Variants in TPP1 observed in about 807,000 individuals in gnomAD.
TPP1 encodes the protein tripeptidyl peptidase 1.
In TPP1, 43 loss-of-function variants were observed where a neutral mutation model predicts 67.6. The ratio of observed to expected loss-of-function variants is 0.64; its 90% CI spans 0.50 to 0.82. The LOEUF (loss-of-function observed/expected upper bound fraction) is 0.82. Among genes scored for constraint, TPP1 ranks in the 40% least tolerant of loss-of-function variants. The probability of loss-of-function intolerance (pLI) is 0.00; values close to 1 mark genes in which losing one functional copy is unlikely to be tolerated. For synonymous variants in TPP1, 272 were observed against 281.5 expected (o/e 0.97, Z 0.34); for missense variants, 671 against 710.9 (o/e 0.94, Z 0.64).
chr11:6,617,287 C>T lies in TPP1; in HGVS notation c.508+14G>A. The T allele has an allele frequency of 1.2e-6, 2 of 1,614,084 alleles. No homozygotes were observed. Among genetic ancestry groups the T allele is most frequent in the Non-Finnish European group, 1.7e-6 (2 of 1,180,004 alleles). ...TCTGTGTGCCCCAACCCCCATTCAC[C>T]CCATAGGTGTTACCAAAGTCCACAT... On this transcript the variant is annotated intron_variant, in intron 5 of 12. Transcript: ENST00000299427.
At chr11:6,618,298 T>G (rs1353315971) in intron 3 of TPP1, 2 of 328,644 alleles carry the variant, frequency 6.1e-6, no homozygotes, top group Non-Finnish European at 1.2e-5. Context: ...AAGGAACCAA[T>G]CCATTTTGAC....
Position 6,614,205 on chromosome 11 carries a change from G to A in TPP1, c.*341C>T, listed in dbSNP as rs142480159. 5.5e-6 allele frequency: 2 copies of A among 361,228 alleles called. No homozygotes were observed. Among genetic ancestry groups the A allele is most frequent in the Non-Finnish European group, 1.1e-5 (2 of 189,238 alleles). The allele number at this position is 361,228 out of a possible 1,614,324, so 22.4% of individuals were successfully genotyped here. On this transcript the variant is annotated 3_prime_UTR_variant, in exon 13 of 13. Transcript: ENST00000299427. ...AGAGGTCTCCTTGCAGTGAATTGGGGAATGAATATCAAGTGAAATAGTGCA... is the reference window on the plus strand; with the variant it reads ...AGAGGTCTCCTTGCAGTGAATTGGGAAATGAATATCAAGTGAAATAGTGCA...
In TPP1 at chr11:6,615,538, GCCT is replaced by G; in HGVS notation, c.1167_1169del (p.Gly390del). 1 of 1,614,180 alleles carries G rather than the reference GCCT, an allele frequency of 6.2e-7. No individual in the cohort carries two copies. The highest frequency in any genetic ancestry group is 8.5e-7 in the Non-Finnish European group (1 of 1,180,040). ...TGAGGAAAGGTTCCTGGAAGGATGT[GCCT>G]CCCACTGTGGTGACATAGGGGCTGA... On this transcript the variant is annotated inframe_deletion, in exon 10 of 13. Coordinates refer to ENST00000299427, the MANE Select transcript of TPP1 (RefSeq NM_000391.4).
At position 6,616,459 on chromosome 11, in the gene TPP1, G is replaced by T; in HGVS notation, c.931C>A (p.Leu311Ile). The T allele has an allele frequency of 6.2e-7, 1 of 1,612,154 alleles. No individual in the cohort carries two copies. Among genetic ancestry groups the T allele is most frequent in the Non-Finnish European group, 8.5e-7 (1 of 1,179,904 alleles). Reference protein sequence around the residue: ...QEPFLQWLMLLSNESALPHVH... With the variant: ...QEPFLQWLMLISNESALPHVH... Reference sequence around the variant, plus strand: ...TGTGGCAGGGCTGACTCATTACTGAGCAGCATGAGCCACTGCAGGAAGGGC... The same window carrying T: ...TGTGGCAGGGCTGACTCATTACTGATCAGCATGAGCCACTGCAGGAAGGGC... The change falls in exon 8 of 13, where the codon CTC (leucine) becomes ATC (isoleucine). Residue 311 changes from leucine (L) to isoleucine (I), a missense_variant. By Grantham distance (5) the Leu-to-Ile change is conservative. Transcript: ENST00000299427.
rs996253757 is a variant in TPP1, at chr11:6,617,482, C to T, written c.381-54G>A. Reference sequence around the variant, plus strand: ...GCTCAAAACGGAACAGAAGAAGCTACCTCTGAGCATCCCTGGGCAGTCAGT... The same window carrying T: ...GCTCAAAACGGAACAGAAGAAGCTATCTCTGAGCATCCCTGGGCAGTCAGT... On this transcript the variant is annotated intron_variant, in intron 4 of 12. Coordinates refer to ENST00000299427, the MANE Select transcript of TPP1 (RefSeq NM_000391.4). 8.7e-6 allele frequency: 14 copies of T among 1,613,744 alleles called. No individual in the cohort carries two copies. In the African/African-American group the frequency reaches 1.5e-4, roughly 17 times the overall value.
chr11:6,618,698 T>A, intron 3 of TPP1, 78 bp downstream of exon 3: 1 of 1,593,852 alleles, frequency 6.3e-7, no homozygotes, highest in Non-Finnish European at 8.5e-7. Context: ...GGCTCTGACA[T>A]GATCGCCATC....
intron 9 of TPP1, 85 bp from the exon 10 acceptor site, chr11:6,615,647 C>A: frequency 6.4e-7 from 1 of 1,552,404 alleles, no homozygotes; most frequent in South Asian, 1.1e-5. Flanking sequence ...TAGCCCAGGT[C>A]TTGCTGGAGG....
In TPP1 at chr11:6,613,142, T is replaced by C. The variant is rs1004451081; in HGVS notation, c.*1404A>G. The C allele has an allele frequency of 1.3e-5, 2 of 152,148 alleles. No individual in the cohort carries two copies. The highest frequency in any genetic ancestry group is 2.9e-5 in the Non-Finnish European group (2 of 68,022). 9.4% of individuals were successfully genotyped at this position (152,148 alleles called of 1,614,324 possible). ...GACCCAGTCTCTCTCCTAGTCCATA[T>C]CAGAACCAAGATTCAAACAGGTTTT... On this transcript the variant is annotated 3_prime_UTR_variant, in exon 13 of 13. Coordinates refer to ENST00000299427, the MANE Select transcript of TPP1 (RefSeq NM_000391.4).
rs747731043 is a variant in TPP1 at position 6,616,869 on chromosome 11, G to A, written c.688-10C>T. ...AATACTGCTCCAGGAACTATGGAGG[G>A]AGTCAGAGCAGAGATCGTGGGTCCG... On this transcript the variant is annotated splice_polypyrimidine_tract_variant and intron_variant, in intron 6 of 12. Transcript: ENST00000299427. 4 of 1,614,040 alleles carry A rather than the reference G, an allele frequency of 2.5e-6. No individual in the cohort carries two copies. Among genetic ancestry groups the A allele is most frequent in the Non-Finnish European group, 3.4e-6 (4 of 1,180,026 alleles).
Position 6,618,887 on chromosome 11 carries a change from G to A in TPP1, c.118C>T (p.Arg40Cys), listed in dbSNP as rs794727482. Residue 40 changes from arginine to cysteine, a missense_variant, in exon 3 of 13, where the codon CGT becomes TGT. By Grantham distance (180) the Arg-to-Cys change is radical. Transcript: ENST00000299427. Reference sequence around the variant, plus strand: ...CTCAGCTCTTCCTCAGGGTCCGCACGGCCCAGGGACACCCAGCCTGGGGGC... The same window carrying A: ...CTCAGCTCTTCCTCAGGGTCCGCACAGCCCAGGGACACCCAGCCTGGGGGC... ...TLPPGWVSLG[R>C]ADPEEELSLT... is the part of the protein sequence containing the mutation. 1.6e-5 allele frequency: 26 copies of A among 1,613,668 alleles called. No homozygotes were observed. Among genetic ancestry groups the A allele is most frequent in the East Asian group, 6.7e-5 (3 of 44,892 alleles).
chr11:6,615,851 G>GCAGGAAGGTCC (rs1210169558), intron 9 of TPP1, 154 bp downstream of exon 9: 1 of 900,630 alleles, frequency 1.1e-6, no homozygotes. Context: ...CCTGGGACCT[G>GCAGGAAGGTCC]CAGGAAGAAG....
At position 6,616,644 on chromosome 11, in the gene TPP1, A is replaced by T; in HGVS notation, c.886+17T>A. 6.2e-7 allele frequency: 1 copy of T among 1,613,404 alleles called. No homozygotes were observed. Among genetic ancestry groups the T allele is most frequent in the South Asian group, 1.1e-5 (1 of 91,066 alleles). On this transcript the variant is annotated intron_variant, in intron 7 of 12. Transcript: ENST00000299427. ...TCTCCCACCCCCTTCCCCACTGTCC[A>T]GTCCTCTTGGTAGTACCAGGGCTAC...
In TPP1 at chr11:6,617,154, C is replaced by T. The variant is rs56144125; in HGVS notation, c.509-1G>A. ...GGGGGAAAACGGTGCAGTCCCCCCA[C>T]TGTAGGGAGAAGTCAGGCTTGAGGA... On this transcript the variant is annotated splice_acceptor_variant, in intron 5 of 12. Transcript: ENST00000299427. LOFTEE classifies it high-confidence loss of function. The T allele has an allele frequency of 2.7e-5, 43 of 1,614,098 alleles. No individual in the cohort carries two copies. The highest frequency in any genetic ancestry group is 3.6e-5 in the Non-Finnish European group (43 of 1,180,002).
intron 11 of TPP1, 27 bp from the exon 12 acceptor site, chr11:6,615,018 G>A (rs1175923875): frequency 6.2e-7 from 1 of 1,614,008 alleles, no homozygotes; most frequent in African/African-American, 1.3e-5. Flanking sequence ...GCAAGTAGAG[G>A]TCAGGGGTTC....
Position 6,614,923 on chromosome 11 carries a change from G to A in TPP1, c.1494C>T (p.Pro498=), listed in dbSNP as rs117942457. The A allele has an allele frequency of 0.012, 18,602 of 1,614,108 alleles. 138 individuals are homozygous for A. Among genetic ancestry groups the A allele is most frequent in the Non-Finnish European group, 0.014 (16,392 of 1,180,028 alleles). ...GCCTTGGGTTGAGAAAGCCAAGAGGGGGGCGGCCACTAAGGATCCTGTGCT... is the reference window on the plus strand; with the variant it reads ...GCCTTGGGTTGAGAAAGCCAAGAGGAGGGCGGCCACTAAGGATCCTGTGCT... The part of the protein sequence containing the change: ...INEHRILSGR[P]PLGFLNPRLY... Residue 498 remains proline, a synonymous_variant, in exon 12 of 13, where the codon CCC becomes CCT. Coordinates refer to ENST00000299427, the MANE Select transcript of TPP1 (RefSeq NM_000391.4).
intron 9 of TPP1, 126 bp from the exon 10 acceptor site, chr11:6,615,688 G>C: frequency 7.8e-7 from 1 of 1,275,706 alleles, no homozygotes; most frequent in African/African-American, 1.5e-5. Flanking sequence ...CATGTATATG[G>C]GATTGACTAA....
chr11:6,619,118 T>A, intron 2 of TPP1, 78 bp downstream of exon 2: 1 of 1,565,222 alleles, frequency 6.4e-7, no homozygotes, highest in Non-Finnish European at 8.7e-7. Flanking sequence ...GGCACGGGGG[T>A]GAGAGAAGCT....
At position 6,614,445 on chromosome 11, in the gene TPP1, C is replaced by T. The variant is rs1350676297; in HGVS notation, c.*101G>A. 6.5e-7 allele frequency: 1 copy of T among 1,530,168 alleles called. No homozygotes were observed. The highest frequency in any genetic ancestry group is 2.3e-5 in the East Asian group (1 of 44,214). The allele number at this position is 1,530,168 out of a possible 1,614,324, so 94.8% of individuals were successfully genotyped here. On this transcript the variant is annotated 3_prime_UTR_variant, in exon 13 of 13. Coordinates refer to ENST00000299427, the MANE Select transcript of TPP1 (RefSeq NM_000391.4). ...AGGGAGATAAGCTGTCTGCAGCAGT[C>T]AATAGTTGAGGGTTCAGCAGGGCTT... is the stretch of plus-strand genomic sequence containing the variant.
At position 6,619,300 on chromosome 11, in the gene TPP1, C is replaced by G. The variant is rs775958937; in HGVS notation, c.18-33G>C. 1.9e-6 allele frequency: 3 copies of G among 1,614,036 alleles called. No homozygotes were observed. The African/African-American group carries it at 4.0e-5, about 22-fold the overall frequency. On this transcript the variant is annotated intron_variant, in intron 1 of 12. Transcript: ENST00000299427. ...GGCAGCAGGTGGGTTTCAGTGGGAG[C>G]TACGTTGTCCTTGTGTTCCCACCCT...
Sources: allele counts gnomAD v4.1 joint callset, GRCh38; gene constraint gnomAD v4.1.1; transcripts MANE v1.5; gene names NCBI Gene and HGNC (gene_info 2026-07-23, HGNC 2026-07-21).